The following BOLL variants were observed in gnomAD, a reference collection of about 807,000 sequenced individuals.
The protein encoded by BOLL is boule RNA binding protein.
Under a neutral mutation model 44.4 loss-of-function variants are expected in BOLL, and 23 were observed. The observed-to-expected ratio is 0.52, with a 90% CI of 0.37 to 0.73. The LOEUF is 0.73. Among genes scored for constraint, BOLL ranks in the 30% least tolerant of loss-of-function variants. The probability of loss-of-function intolerance (pLI) is 0.00; values close to 1 mark genes in which losing one functional copy is unlikely to be tolerated. For missense variants in BOLL, 287 were observed against 338.3 expected (o/e 0.85, Z 1.19); for synonymous variants, 97 against 110.8 (o/e 0.88, Z 0.78).
chr2:197,760,064 C>G (rs1402897663), intron 7 of BOLL, among the ~76,000 whole-genome samples: 4 of 152,194 alleles, frequency 2.6e-5, no homozygotes, highest in African/African-American at 7.2e-5. Flanking sequence ...AGCCTGGAGC[C>G]TGTGTCCCAG....
chr2:197,735,020 A>G (rs909968005), intron 10 of BOLL, among the ~76,000 whole-genome samples: 5 of 152,186 alleles, frequency 3.3e-5, no homozygotes, highest in Admixed American at 2.0e-4. Flanking sequence ...GCAGAAAATT[A>G]CTGCAAAAAT....
At chr2:197,784,387 A>AATACATAC (rs60902045) in intron 1 of BOLL, among the ~76,000 whole-genome samples, 1 of 94,450 alleles carries the variant, frequency 1.1e-5, no homozygotes, top group Non-Finnish European at 2.0e-5. Flanking sequence ...ACAGCAGTCT[A>AATACATAC]ATACATATAT....
chr2:197,748,336 G>GT (rs1005509149), intron 9 of BOLL, among the ~76,000 whole-genome samples: 8 of 152,138 alleles, frequency 5.3e-5, no homozygotes, highest in South Asian at 4.2e-4. Flanking sequence ...TAGCTACAGG[G>GT]TTTTTTTTGT....
chr2:197,783,135 A>G (rs971784207), intron 1 of BOLL, among the ~76,000 whole-genome samples: 1 of 152,120 alleles, frequency 6.6e-6, no homozygotes, highest in Admixed American at 6.5e-5. Context: ...GACAAACCCC[A>G]TAATATCCTA....
chr2:197,745,924 T>C (rs908366864), intron 9 of BOLL, among the ~76,000 whole-genome samples: 1 of 152,188 alleles, frequency 6.6e-6, no homozygotes, highest in Non-Finnish European at 1.5e-5. Context: ...ATCCTATTCA[T>C]AATTAGGATA....
rs370276411 is a variant in BOLL, at chr2:197,765,599, T to G, written c.552+933A>C. 1.1e-4 allele frequency among the ~76,000 whole-genome samples: 16 copies of G among 152,056 alleles called. 1 individual carries two copies. The highest frequency in any genetic ancestry group is 3.6e-4 in the African/African-American group (15 of 41,504). On this transcript the variant is annotated intron_variant, in intron 7 of 10. Coordinates refer to ENST00000392296, the MANE Select transcript of BOLL (RefSeq NM_033030.6). ...TACATACCCCATGAATAGGTATAATTATCATTTGTCAATGAAAAAAAATTA... is the reference window on the plus strand; with the variant it reads ...TACATACCCCATGAATAGGTATAATGATCATTTGTCAATGAAAAAAAATTA...
chr2:197,776,995 C>T (rs1389565870), intron 4 of BOLL, 64 bp downstream of exon 4: 18 of 1,282,016 alleles, frequency 1.4e-5, no homozygotes, highest in East Asian at 2.5e-5. Context: ...ATTTGAACCC[C>T]GAAAAGATTA....
At chr2:197,751,395 T>C (rs1246294400) in intron 9 of BOLL, among the ~76,000 whole-genome samples, 3 of 151,842 alleles carry the variant, frequency 2.0e-5, no homozygotes, top group Non-Finnish European at 4.4e-5. Context: ...AATAGACCAC[T>C]AGCCAGACGG....
chr2:197,781,078 ACT>A (rs1235335218), intron 2 of BOLL, among the ~76,000 whole-genome samples: 27 of 151,864 alleles, frequency 1.8e-4, no homozygotes, highest in Admixed American at 1.8e-3. Flanking sequence ...TTTGTTATAA[ACT>A]CATCATTGGG....
intron 9 of BOLL, among the ~76,000 whole-genome samples, chr2:197,750,214 C>T (rs543524232): frequency 1.3e-5 from 2 of 152,150 alleles, no homozygotes; most frequent in South Asian, 2.1e-4. Context: ...TAAAGACCAT[C>T]GACACTATAA....
intron 10 of BOLL, among the ~76,000 whole-genome samples, chr2:197,742,435 C>G (rs1687788019): frequency 1.3e-5 from 2 of 152,100 alleles, no homozygotes; most frequent in South Asian, 2.1e-4. Context: ...CAACGATAGA[C>G]TGGATTAAGA....
chr2:197,743,178 G>A lies in BOLL; in HGVS notation c.730-19C>T, dbSNP rs1559395941. 2.0e-6 allele frequency: 3 copies of A among 1,522,700 alleles called. No homozygotes were observed. The highest frequency in any genetic ancestry group is 2.7e-6 in the Non-Finnish European group (3 of 1,122,266). 94.3% of individuals were successfully genotyped at this position (1,522,700 alleles called of 1,614,324 possible). ...AATAAGGCTATTACAAAAAAAGAGA[G>A]AAAAAATGTCACCTTTCATCTATTA... On this transcript the variant is annotated intron_variant, in intron 9 of 10. Transcript: ENST00000392296.
chr2:197,786,104 C>T, upstream of BOLL: 1 of 1,461,454 alleles, frequency 6.8e-7, no homozygotes, highest in African/African-American at 1.4e-5. The surrounding 1 kb of genome is among the most constrained non-coding windows in gnomAD (Gnocchi z 5.9). Flanking sequence ...CTGCCTGGGA[C>T]TCTCGCCCCC....
intron 7 of BOLL, among the ~76,000 whole-genome samples, chr2:197,765,550 A>G (rs1240064657): frequency 2.6e-5 from 4 of 151,906 alleles, no homozygotes; most frequent in Non-Finnish European, 5.9e-5. Context: ...TTTGATCACC[A>G]TATTACATGT....
At chr2:197,772,065 T>G (rs1301787717) in intron 5 of BOLL, 83 bp from the exon 6 acceptor site, 4 of 1,184,798 alleles carry the variant, frequency 3.4e-6, no homozygotes, top group Non-Finnish European at 4.6e-6. Context: ...CAGAAAAATA[T>G]TTATCTTAAT....
chr2:197,751,109 G>T (rs992312097), intron 9 of BOLL, among the ~76,000 whole-genome samples: 6 of 152,094 alleles, frequency 3.9e-5, no homozygotes, highest in Admixed American at 1.3e-4. Flanking sequence ...TGAGAACAAA[G>T]ACACAACATA....
chr2:197,759,008 C>G (rs922204363), intron 7 of BOLL: 39 of 1,535,162 alleles, frequency 2.5e-5, no homozygotes, highest in Non-Finnish European at 3.3e-5. Context: ...GTTTAATTCC[C>G]TCGTAAAAAA....
At chr2:197,775,330 A>T (rs1305199705) in intron 5 of BOLL, among the ~76,000 whole-genome samples, 1 of 151,784 alleles carries the variant, frequency 6.6e-6, no homozygotes. Context: ...TCTAATTAAA[A>T]TTTTTCTCAT....
At chr2:197,781,941 T>C (rs950153258) in intron 1 of BOLL, 76 bp from the exon 2 acceptor site, 16 of 1,318,144 alleles carry the variant, frequency 1.2e-5, no homozygotes, top group African/African-American at 8.8e-5. Flanking sequence ...CAAAAACATA[T>C]ATTTTTCAAA....
Sources: allele counts gnomAD v4.1 joint callset (sites outside exome capture counted in the v4.1 genomes callset), GRCh38; gene constraint gnomAD v4.1.1; non-coding constraint Gnocchi (gnomAD v3.1); transcripts MANE v1.5; gene names NCBI Gene and HGNC (gene_info 2026-07-23, HGNC 2026-07-21).